Variants in F13A1 observed in about 807,000 individuals in gnomAD.
The protein encoded by F13A1 is FSF, A subunit.
A neutral mutation model predicts 80.1 loss-of-function variants in F13A1; 47 were observed. The observed-to-expected ratio is 0.59, with a 90% confidence interval of 0.46 to 0.75. The LOEUF (loss-of-function observed/expected upper bound fraction) is 0.75, where lower values mean the gene tolerates loss of function less well. Among genes scored for constraint, F13A1 ranks in the 30% least tolerant of loss-of-function variants. The pLI, the probability that F13A1 is intolerant of heterozygous loss-of-function variation, is 0.00. For synonymous variants in F13A1, 349 were observed against 344.9 expected, an observed-to-expected ratio of 1.01 and a Z score of -0.13; for missense variants, 817 against 930.4, an observed-to-expected ratio of 0.88 and a Z score of 1.59.
intron 6 of F13A1, among the ~76,000 whole-genome samples, chr6:6,227,648 C>A (rs1301690683): frequency 6.6e-6 from 1 of 152,156 alleles, no homozygotes; most frequent in Non-Finnish European, 1.5e-5. Context: ...ATTATCATTC[C>A]CTTATCACTG....
chr6:6,159,572 G>T (rs762806120), intron 13 of F13A1, among the ~76,000 whole-genome samples: 1 of 152,112 alleles, frequency 6.6e-6, no homozygotes, highest in South Asian at 2.1e-4. Context: ...GATGGTTGGC[G>T]AGTGGGCTGG....
chr6:6,221,999 G>A (rs1275203596), intron 8 of F13A1, 34 bp downstream of exon 8: 2 of 1,605,256 alleles, frequency 1.2e-6, no homozygotes, highest in Non-Finnish European at 1.7e-6. Context: ...ACTATAATGT[G>A]ACATCAGCCA....
At chr6:6,252,528 GA>G (rs141795627) in intron 4 of F13A1, among the ~76,000 whole-genome samples, 2,486 of 152,094 alleles carry the variant, frequency 0.016, 62 homozygotes, top group East Asian at 0.11. Context: ...AAAAAATAAG[GA>G]AAAAAGGGAT....
intron 3 of F13A1, among the ~76,000 whole-genome samples, chr6:6,300,013 A>G (rs1395582964): frequency 3.4e-5 from 5 of 147,184 alleles, no homozygotes; most frequent in African/African-American, 1.1e-4. Context: ...CTGCCGTGTG[A>G]AGTGTCAGTG....
chr6:6,308,474 A>AAG (rs567371699), intron 2 of F13A1, among the ~76,000 whole-genome samples: 1,816 of 151,906 alleles, frequency 0.012, 37 homozygotes, highest in African/African-American at 0.041. Flanking sequence ...AAAAAAAAAA[A>AAG]AGAGACCATT....
chr6:6,292,414 T>G (rs1758236130), intron 3 of F13A1, among the ~76,000 whole-genome samples: 4 of 152,140 alleles, frequency 2.6e-5, no homozygotes, highest in Admixed American at 2.6e-4. Context: ...TTTTGCCTCC[T>G]AAATATTTCT....
chr6:6,288,613 C>T (rs1458120079), intron 3 of F13A1, among the ~76,000 whole-genome samples: 1 of 152,202 alleles, frequency 6.6e-6, no homozygotes, highest in African/African-American at 2.4e-5. Context: ...CTGAAATGAA[C>T]ATGAGACTAC....
At chr6:6,193,567 A>C (rs1466363311) in intron 10 of F13A1, among the ~76,000 whole-genome samples, 1 of 152,206 alleles carries the variant, frequency 6.6e-6, no homozygotes, top group Admixed American at 6.5e-5. Flanking sequence ...CAAAGCAACA[A>C]ATTGTACCCT....
In F13A1 at chr6:6,162,480, T is replaced by C. The variant is rs550814886; in HGVS notation, c.1908+4978A>G. On this transcript the variant is annotated intron_variant, in intron 13 of 14. Transcript: ENST00000264870. This position sits in a 1 kb window ranked among gnomAD's most constrained non-coding sequence, Gnocchi z 4.2. ...TGTGTGTGATCTCTCCTCCCTTGAA[T>C]ACAAAACTCTCTGCAAAGTCAATGA... 2.6e-5 allele frequency among the ~76,000 whole-genome samples: 4 copies of C among 152,212 alleles called. No individual in the cohort carries two copies. The highest frequency in any genetic ancestry group is 6.5e-5 in the Admixed American group (1 of 15,286).
At chr6:6,219,697 C>T (rs1432731354) in intron 8 of F13A1, among the ~76,000 whole-genome samples, 1 of 152,154 alleles carries the variant, frequency 6.6e-6, no homozygotes, top group Non-Finnish European at 1.5e-5. Context: ...CTCTTGTTTT[C>T]CTGGACCACC....
chr6:6,152,544 T>TA (rs1196666507), intron 13 of F13A1, among the ~76,000 whole-genome samples: 5 of 152,302 alleles, frequency 3.3e-5, no homozygotes, highest in African/African-American at 1.2e-4. Context: ...GTTGATCTAT[T>TA]ATGACTCTCA....
intron 3 of F13A1, among the ~76,000 whole-genome samples, chr6:6,290,932 T>A (rs111385753): frequency 0.011 from 1,749 of 152,320 alleles, 35 homozygotes; most frequent in African/African-American, 0.04. Context: ...GGGCAAGACA[T>A]TTCTCAATAG....
intron 3 of F13A1, among the ~76,000 whole-genome samples, chr6:6,290,621 G>A (rs1758209983): frequency 1.3e-5 from 2 of 152,158 alleles, no homozygotes; most frequent in Non-Finnish European, 2.9e-5. Context: ...TTTGATGATG[G>A]AACTTTTTTC....
At chr6:6,227,050 C>T (rs1191118585) in intron 6 of F13A1, among the ~76,000 whole-genome samples, 1 of 147,850 alleles carries the variant, frequency 6.8e-6, no homozygotes. Flanking sequence ...CTGGGACCTT[C>T]TAGGAGCTCT....
intron 11 of F13A1, among the ~76,000 whole-genome samples, chr6:6,175,391 AC>A (rs1297664645): frequency 1.3e-5 from 2 of 151,800 alleles, no homozygotes; most frequent in Non-Finnish European, 2.9e-5. Flanking sequence ...TGCTGAGCTG[AC>A]CCTTGAGGGC....
At chr6:6,158,781 G>GAA (rs10668356) in intron 13 of F13A1, among the ~76,000 whole-genome samples, 148,083 of 152,252 alleles carry the variant, frequency 0.97, 72,341 homozygotes, top group Middle Eastern at 1. Flanking sequence ...CCACCTTAAT[G>GAA]AAGTTTGTGA....
rs375316112 is a variant in F13A1, at chr6:6,174,975, C to T, written c.1460-108G>A. ...CACTTGTTGGGGTGTTTCTATAATA[C>T]AAGCTTCAGACCTCCCCAGGAGGAG... On this transcript the variant is annotated intron_variant, in intron 11 of 14. Coordinates refer to ENST00000264870, the MANE Select transcript of F13A1 (RefSeq NM_000129.4). 8.9e-6 allele frequency: 12 copies of T among 1,350,110 alleles called. No individual in the cohort carries two copies. The African/African-American group carries it at 1.0e-4, about 11-fold the overall frequency. 83.6% of individuals were successfully genotyped at this position (1,350,110 alleles called of 1,614,324 possible). A position where few individuals can be genotyped will look rare whatever the true frequency, so the allele number is the denominator to read the frequency against.
chr6:6,184,615 C>T (rs980983633), intron 10 of F13A1, among the ~76,000 whole-genome samples: 2 of 152,186 alleles, frequency 1.3e-5, no homozygotes, highest in Non-Finnish European at 2.9e-5. Flanking sequence ...CATGTAAGTA[C>T]AAACAGCGAC....
intron 6 of F13A1, among the ~76,000 whole-genome samples, chr6:6,237,985 T>C (rs144843966): frequency 6.6e-6 from 1 of 152,254 alleles, no homozygotes; most frequent in African/African-American, 2.4e-5. Context: ...TACATAGCAA[T>C]ACAAAGGATC....
Sources: allele counts gnomAD v4.1 joint callset (sites outside exome capture counted in the v4.1 genomes callset), GRCh38; gene constraint gnomAD v4.1.1; non-coding constraint Gnocchi (gnomAD v3.1); transcripts MANE v1.5; gene names NCBI Gene and HGNC (gene_info 2026-07-23, HGNC 2026-07-21).